SAMD12: variants seen among roughly 807,000 people sequenced by gnomAD.
SAMD12 encodes the protein sterile alpha motif domain containing 12, also known as sterile alpha motif domain-containing protein 12.
Under a neutral mutation model 15.0 loss-of-function variants are expected in SAMD12, and 9 were observed. That is an observed-to-expected ratio of 0.60 (90% CI 0.36 to 1.05). The LOEUF is 1.05. Among genes scored for constraint, SAMD12 ranks in the 50% least tolerant of loss-of-function variants. The pLI is 0.01. For missense variants in SAMD12, 230 were observed against 234.2 expected, an observed-to-expected ratio of 0.98 and a Z score of 0.12; for synonymous variants, 86 against 90.1, an observed-to-expected ratio of 0.96 and a Z score of 0.25.
chr8:118,611,404 T>C (rs1224260617), intron 1 of SAMD12, among the ~76,000 whole-genome samples: 2 of 152,178 alleles, frequency 1.3e-5, no homozygotes, highest in Non-Finnish European at 2.9e-5. Context: ...TACCTGGTGC[T>C]ACTCTCAGAG....
At chr8:118,188,094 G>C (rs773812443), downstream of SAMD12, among the ~76,000 whole-genome samples, 2 of 151,824 alleles carry the variant, frequency 1.3e-5, no homozygotes, top group Non-Finnish European at 2.9e-5. Context: ...GAGAGAAAAA[G>C]GGAGGGCAAA....
chr8:118,612,584 G>A (rs774105221), intron 1 of SAMD12, among the ~76,000 whole-genome samples: 3 of 152,148 alleles, frequency 2.0e-5, no homozygotes, highest in Non-Finnish European at 4.4e-5. Flanking sequence ...GTCATTATCA[G>A]AAGATAAGCA....
At chr8:118,328,969 A>G (rs984496010) in intron 4 of SAMD12, among the ~76,000 whole-genome samples, 5 of 152,180 alleles carry the variant, frequency 3.3e-5, no homozygotes, top group Non-Finnish European at 7.3e-5. Flanking sequence ...GCGCTAAAGT[A>G]GGTTGCTCAA....
chr8:118,536,451 C>A (rs144250385), intron 2 of SAMD12, among the ~76,000 whole-genome samples: 2,761 of 149,366 alleles, frequency 0.018, 22 homozygotes, highest in South Asian at 0.02. Flanking sequence ...CAAACACACA[C>A]ACACACACAC....
intron 1 of SAMD12, among the ~76,000 whole-genome samples, chr8:118,596,702 A>G (rs1264121886): frequency 6.6e-6 from 1 of 152,062 alleles, no homozygotes. Context: ...TGCTCCATCT[A>G]TTACCTTCCA....
chr8:118,503,744 T>C (rs1824849352), intron 2 of SAMD12, among the ~76,000 whole-genome samples: 1 of 152,160 alleles, frequency 6.6e-6, no homozygotes, highest in Non-Finnish European at 1.5e-5. Flanking sequence ...TCTCTGTCAA[T>C]CCTCTGTTAG....
At chr8:118,315,270 C>T (rs2514939) in intron 4 of SAMD12, among the ~76,000 whole-genome samples, 101,249 of 152,138 alleles carry the variant, frequency 0.67, 35,664 homozygotes, top group African/African-American at 0.91. Flanking sequence ...TGCAAAGTCT[C>T]ATTCCTGTGT....
At chr8:118,600,370 T>C (rs1827829445) in intron 1 of SAMD12, among the ~76,000 whole-genome samples, 1 of 152,080 alleles carries the variant, frequency 6.6e-6, no homozygotes, top group Admixed American at 6.5e-5. Context: ...GTAATGAGGA[T>C]GAAAGAAGAT....
intron 4 of SAMD12, among the ~76,000 whole-genome samples, chr8:118,270,097 CA>C (rs1813315104): frequency 6.6e-6 from 1 of 152,166 alleles, no homozygotes. Context: ...TACTTCCTAT[CA>C]CAGAAACATG....
the SAMD12 span, among the ~76,000 whole-genome samples, chr8:118,163,798 C>T: frequency 6.8e-6 from 1 of 147,824 alleles, no homozygotes; most frequent in East Asian, 1.9e-4. Flanking sequence ...TGGAGTGAAC[C>T]CTGGAGGCAG....
At chr8:118,300,983 T>G (rs1282346955) in intron 4 of SAMD12, among the ~76,000 whole-genome samples, 3 of 152,214 alleles carry the variant, frequency 2.0e-5, no homozygotes, top group African/African-American at 4.8e-5. Context: ...TCAAATAATT[T>G]TATGCACTTG....
Position 118,432,651 on chromosome 8 carries a change from G to A in SAMD12, c.322+7181C>T, listed in dbSNP as rs909554635. ...TAGAGATGAGATACTCAACCCAGAT[G>A]AAGAGAACTAAGGAGGGCTTTCTAT... On this transcript the variant is annotated intron_variant, in intron 3 of 3. Transcript: ENST00000314727. Among the ~76,000 whole-genome samples, 4 of 152,206 alleles carry A rather than the reference G, an allele frequency of 2.6e-5. No individual in the cohort carries two copies. In the East Asian group the frequency reaches 7.7e-4, roughly 29 times the overall value.
intron 4 of SAMD12, among the ~76,000 whole-genome samples, chr8:118,346,637 C>T (rs1817672821): frequency 6.6e-6 from 1 of 152,070 alleles, no homozygotes; most frequent in Admixed American, 6.5e-5. Context: ...AAGAGCAACC[C>T]CAGGTTCTGC....
At chr8:118,179,595 T>C in the SAMD12 span, among the ~76,000 whole-genome samples, 1 of 152,170 alleles carries the variant, frequency 6.6e-6, no homozygotes, top group Non-Finnish European at 1.5e-5. Flanking sequence ...TTGGAAAACT[T>C]CCTTTTCTCT....
chr8:118,146,732 G>C, the SAMD12 span, among the ~76,000 whole-genome samples: 38 of 152,058 alleles, frequency 2.5e-4, no homozygotes, highest in African/African-American at 8.7e-4. Context: ...CAAGGCAACA[G>C]AACAAAAAAC....
chr8:118,469,117 A>G (rs1823685029), intron 2 of SAMD12, among the ~76,000 whole-genome samples: 1 of 152,098 alleles, frequency 6.6e-6, no homozygotes, highest in Non-Finnish European at 1.5e-5. Flanking sequence ...CAGCAGCCAG[A>G]AGTCCCCTTG....
chr8:118,321,144 A>AATATATATATATATATAT (rs4053452), intron 4 of SAMD12, among the ~76,000 whole-genome samples: 192 of 94,424 alleles, frequency 2.0e-3, no homozygotes, highest in Non-Finnish European at 2.6e-3. Flanking sequence ...ATAGATAATA[A>AATATATATATATATATAT]ATATATATAT....
At chr8:118,175,190 C>T in the SAMD12 span, among the ~76,000 whole-genome samples, 2 of 152,062 alleles carry the variant, frequency 1.3e-5, no homozygotes, top group South Asian at 4.2e-4. Context: ...AAGCTGCACA[C>T]CTACAACCAT....
At chr8:118,479,607 G>T (rs1390086443) in intron 2 of SAMD12, among the ~76,000 whole-genome samples, 1 of 151,980 alleles carries the variant, frequency 6.6e-6, no homozygotes, top group African/African-American at 2.4e-5. Flanking sequence ...ATTTGGGTGG[G>T]GACACAGAGC....
Sources: gnomAD v4.1 joint callset for allele counts (sites outside exome capture counted in the v4.1 genomes callset) on GRCh38, gnomAD v4.1.1 for gene constraint, MANE v1.5 for transcripts, NCBI Gene and HGNC (gene_info 2026-07-23, HGNC 2026-07-21) for gene names.